The following DPP10 variants were observed in gnomAD, a reference collection of about 807,000 sequenced individuals.
The protein encoded by DPP10 is dipeptidyl peptidase like 10.
Under a neutral mutation model 120.9 loss-of-function variants are expected in DPP10, and 33 were observed. That is an observed-to-expected ratio of 0.27 (90% CI 0.21 to 0.37). The LOEUF is 0.37. DPP10 is among the 10% of genes least tolerant of loss of function. The pLI is 1.00. For missense variants in DPP10, 816 were observed against 942.8 expected (o/e 0.87, Z 1.76); for synonymous variants, 337 against 326.1 (o/e 1.03, Z -0.36).
intron 1 of DPP10, among the ~76,000 whole-genome samples, chr2:114,607,289 T>G (rs958399009): frequency 1.3e-5 from 2 of 152,154 alleles, no homozygotes; most frequent in African/African-American, 4.8e-5. Flanking sequence ...AAGGACACAC[T>G]GCTCCTGTTT....
intron 1 of DPP10, among the ~76,000 whole-genome samples, chr2:115,194,642 G>A (rs777019161): frequency 2.0e-5 from 3 of 152,126 alleles, no homozygotes; most frequent in African/African-American, 4.8e-5. Flanking sequence ...CCCGTCTTGC[G>A]TGAGCTTTTT....
intron 1 of DPP10, among the ~76,000 whole-genome samples, chr2:115,005,236 G>A (rs905175648): frequency 6.6e-6 from 1 of 152,054 alleles, no homozygotes; most frequent in African/African-American, 2.4e-5. Context: ...ATCATCAAAG[G>A]CCAAAATAGA....
At chr2:115,397,831 G>A (rs2104454252) in intron 3 of DPP10, among the ~76,000 whole-genome samples, 1 of 152,200 alleles carries the variant, frequency 6.6e-6, no homozygotes, top group South Asian at 2.1e-4. Flanking sequence ...TTTGTGTTTG[G>A]GAAGACTGCT....
At chr2:114,941,976 A>G (rs1419834931) in intron 1 of DPP10, among the ~76,000 whole-genome samples, 1 of 152,078 alleles carries the variant, frequency 6.6e-6, no homozygotes, top group Non-Finnish European at 1.5e-5. Flanking sequence ...TGTCAGATCA[A>G]AAAGTATGAT....
chr2:115,311,748 G>A (rs1192071996), intron 2 of DPP10, among the ~76,000 whole-genome samples: 1 of 152,058 alleles, frequency 6.6e-6, no homozygotes, highest in African/African-American at 2.4e-5. Flanking sequence ...CATATAAATA[G>A]AAGTGGCATT....
intron 1 of DPP10, among the ~76,000 whole-genome samples, chr2:115,257,907 G>T (rs937256915): frequency 3.3e-5 from 5 of 152,100 alleles, no homozygotes; most frequent in Non-Finnish European, 5.9e-5. Context: ...AGTCCTAGAA[G>T]GGGTTTTTTT....
chr2:115,616,435 CTCTA>C (rs1401250600), intron 5 of DPP10, among the ~76,000 whole-genome samples: 1 of 151,668 alleles, frequency 6.6e-6, no homozygotes, highest in Admixed American at 6.6e-5. Flanking sequence ...AGTATCCCTA[CTCTA>C]ATCTAAGTCA....
chr2:114,595,230 G>A (rs991693287), intron 1 of DPP10, among the ~76,000 whole-genome samples: 2 of 151,974 alleles, frequency 1.3e-5, no homozygotes, highest in Admixed American at 6.6e-5. Context: ...ACCACATATT[G>A]AGAAACAAGG....
chr2:114,931,053 A>T (rs1696032604), intron 1 of DPP10, among the ~76,000 whole-genome samples: 1 of 152,178 alleles, frequency 6.6e-6, no homozygotes, highest in Admixed American at 6.5e-5. Flanking sequence ...ATGAATCTCT[A>T]AGAAGTTTCC....
At chr2:115,610,898 A>G (rs1446376319) in intron 5 of DPP10, among the ~76,000 whole-genome samples, 1 of 152,160 alleles carries the variant, frequency 6.6e-6, no homozygotes, top group East Asian at 1.9e-4. Flanking sequence ...TTTAGAAATA[A>G]CCCTTCTTAG....
chr2:115,071,385 C>G (rs893242011), intron 1 of DPP10, among the ~76,000 whole-genome samples: 1 of 152,150 alleles, frequency 6.6e-6, no homozygotes, highest in Non-Finnish European at 1.5e-5. Context: ...TTCCATTGCT[C>G]ACTGCACAGA....
At chr2:115,114,704 A>G (rs1327622569) in intron 1 of DPP10, among the ~76,000 whole-genome samples, 1 of 152,174 alleles carries the variant, frequency 6.6e-6, no homozygotes, top group Non-Finnish European at 1.5e-5. Context: ...ACATTGAAAA[A>G]TGTCCAATTC....
intron 1 of DPP10, among the ~76,000 whole-genome samples, chr2:115,232,933 T>A (rs1432768438): frequency 1.3e-5 from 2 of 152,138 alleles, no homozygotes; most frequent in Non-Finnish European, 2.9e-5. Flanking sequence ...TGGGGCAGTT[T>A]GAAGCTCAGT....
intron 12 of DPP10, 34 bp downstream of exon 12, chr2:115,762,644 T>C: frequency 6.2e-7 from 1 of 1,610,252 alleles, no homozygotes; most frequent in Non-Finnish European, 8.5e-7. Context: ...ATCTTGGCCA[T>C]TGTGACCATC....
intron 3 of DPP10, among the ~76,000 whole-genome samples, chr2:115,421,085 A>ATT (rs571965107): frequency 7.0e-6 from 1 of 143,484 alleles, no homozygotes; most frequent in African/African-American, 2.5e-5. Flanking sequence ...TAGTGGCCCT[A>ATT]TTTTTTTTTT....
At chr2:115,047,051 A>G (rs964408817) in intron 1 of DPP10, among the ~76,000 whole-genome samples, 1 of 152,008 alleles carries the variant, frequency 6.6e-6, no homozygotes, top group Admixed American at 6.6e-5. Context: ...TATCACTCCT[A>G]TAATATTTTT....
At chr2:115,349,863 C>T (rs1308156699) in intron 3 of DPP10, among the ~76,000 whole-genome samples, 1 of 152,082 alleles carries the variant, frequency 6.6e-6, no homozygotes, top group Non-Finnish European at 1.5e-5. Flanking sequence ...GGAGCTACTT[C>T]TAACTCCAAA....
At chr2:114,867,202 T>C (rs189249607) in intron 1 of DPP10, among the ~76,000 whole-genome samples, 1 of 152,304 alleles carries the variant, frequency 6.6e-6, no homozygotes, top group East Asian at 1.9e-4. Flanking sequence ...CAGTTGGCAG[T>C]CTGGGTTGTA....
intron 1 of DPP10, among the ~76,000 whole-genome samples, chr2:115,088,750 C>CAAAAAAAAAAAAAAAAAAAAAAAAAA (rs70941027): frequency 9.2e-5 from 6 of 65,032 alleles, no homozygotes; most frequent in Non-Finnish European, 1.1e-4. Flanking sequence ...CTGTGCCTGA[C>CAAAAAAAAAAAAAAAAAAAAAAAAAA]AAAAAAAAAA....
Sources: allele counts gnomAD v4.1 joint callset (sites outside exome capture counted in the v4.1 genomes callset), GRCh38; gene constraint gnomAD v4.1.1; transcripts MANE v1.5; gene names NCBI Gene and HGNC (gene_info 2026-07-23, HGNC 2026-07-21).